DNAH17: variants seen among roughly 807,000 people sequenced by gnomAD.
DNAH17 encodes axonemal beta dynein heavy chain 17.
DNAH17 carries 376 observed loss-of-function variants against 485.6 expected under a neutral mutation model. The observed-to-expected ratio is 0.77, with a 90% CI of 0.71 to 0.84. The LOEUF (loss-of-function observed/expected upper bound fraction) is 0.84, where lower values mean the gene tolerates loss of function less well. Ranked by LOEUF, DNAH17 falls within the 40% of genes least tolerant of loss-of-function variation. DNAH17 has a pLI of 0.00. For synonymous variants in DNAH17, 3,031 were observed against 2,405.9 expected, an observed-to-expected ratio of 1.26 and a Z score of -7.60; for missense variants, 6,370 against 5,839.3, an observed-to-expected ratio of 1.09 and a Z score of -2.96.
At chr17:78,515,345 C>G (rs2090752822) in intron 25 of DNAH17, among the ~76,000 whole-genome samples, 1 of 152,062 alleles carries the variant, frequency 6.6e-6, no homozygotes, top group South Asian at 2.1e-4. Flanking sequence ...CCCGTCTGTA[C>G]TAAAAATACA....
intron 13 of DNAH17, among the ~76,000 whole-genome samples, chr17:78,560,158 CT>C (rs1195653810): frequency 1.7e-5 from 2 of 115,146 alleles, no homozygotes; most frequent in South Asian, 2.7e-4. Flanking sequence ...AGACAGCTCT[CT>C]GACTGTCTGG....
intron 33 of DNAH17, chr17:78,502,317 T>G: frequency 5.6e-6 from 2 of 360,306 alleles, no homozygotes; most frequent in Non-Finnish European, 1.0e-5. Context: ...GGACATTTTT[T>G]TTTTAAAGAC....
intron 21 of DNAH17, 112 bp downstream of exon 21, chr17:78,530,231 C>A: frequency 7.6e-7 from 1 of 1,310,766 alleles, no homozygotes; most frequent in Non-Finnish European, 1.0e-6. Context: ...AGCCTCCACC[C>A]CCTGCTACCC....
At chr17:78,427,220 G>A (rs2086506901) in intron 77 of DNAH17, 112 bp from the exon 78 acceptor site, 2 of 1,098,106 alleles carry the variant, frequency 1.8e-6, no homozygotes, top group Non-Finnish European at 2.6e-6. Context: ...GGAGAGGAGG[G>A]AAGAGGCAAG....
intron 70 of DNAH17, among the ~76,000 whole-genome samples, 175 bp downstream of exon 70, chr17:78,445,383 T>G (rs1033341489): frequency 4.6e-5 from 7 of 152,192 alleles, no homozygotes; most frequent in African/African-American, 1.7e-4. Flanking sequence ...GAGCTATCTG[T>G]GAGCTGGCAG....
intron 2 of DNAH17, 31 bp from the exon 3 acceptor site, chr17:78,572,925 C>T (rs966299730): frequency 2.5e-6 from 4 of 1,595,520 alleles, no homozygotes; most frequent in Admixed American, 1.7e-5. Flanking sequence ...GGTTCCGCCC[C>T]CTGTGCCTTC....
intron 74 of DNAH17, among the ~76,000 whole-genome samples, chr17:78,436,230 C>T (rs1039492625): frequency 5.3e-5 from 8 of 152,108 alleles, no homozygotes; most frequent in African/African-American, 1.7e-4. Context: ...AGTTTAAGGC[C>T]AGCGTGGCCA....
chr17:78,428,353 G>T, intron 77 of DNAH17, 172 bp downstream of exon 77: 1 of 774,130 alleles, frequency 1.3e-6, no homozygotes, highest in Non-Finnish European at 2.2e-6. Flanking sequence ...CTGAGGACCT[G>T]CTGACCAGCC....
In DNAH17 at chr17:78,544,514, G is replaced by A. The variant is rs117455521; in HGVS notation, c.2392-517C>T. Among the ~76,000 whole-genome samples, 31 of 152,246 alleles carry A rather than the reference G, an allele frequency of 2.0e-4. No individual in the cohort carries two copies. In the East Asian group the frequency reaches 5.8e-3, roughly 28 times the overall value. ...TGGGAGTTCTACCACAAGGGTGGTG[G>A]CCACTTGGCCGGGCGCGGTGGCCCA... On this transcript the variant is annotated intron_variant, in intron 16 of 80. Transcript: ENST00000389840.
intron 12 of DNAH17, 78 bp from the exon 13 acceptor site, chr17:78,561,013 C>A: frequency 7.1e-7 from 1 of 1,409,614 alleles, no homozygotes; most frequent in South Asian, 1.3e-5. Context: ...TCGTTGCTGC[C>A]CGATCTGGGG....
chr17:78,545,163 G>A lies in DNAH17; in HGVS notation c.2392-1166C>T, dbSNP rs142168500. 5.6e-3 allele frequency among the ~76,000 whole-genome samples: 850 copies of A among 152,180 alleles called. 9 individuals are homozygous for A. The highest frequency in any genetic ancestry group is 0.018 in the African/African-American group (743 of 41,526). ...CTTAGATCACCCGCCTCCCTCCTCT[G>A]GCCAGTGTTTGATATTTACGTGAGT... On this transcript the variant is annotated intron_variant, in intron 16 of 80. Coordinates refer to ENST00000389840, the MANE Select transcript of DNAH17 (RefSeq NM_173628.4).
rs562453334 is a variant in DNAH17 at position 78,491,106 on chromosome 17, C to G, written c.6670-259G>C. Among the ~76,000 whole-genome samples the G allele has an allele frequency of 1.1e-4, 17 of 152,228 alleles. 1 individual carries two copies. Among genetic ancestry groups the G allele is most frequent in the Non-Finnish European group, 2.2e-4 (15 of 68,036 alleles). On this transcript the variant is annotated intron_variant, in intron 43 of 80. Transcript: ENST00000389840. ...GCTTTCTCAAACCATCACCCCTCCC[C>G]ATCCTGGAAAGTATTGTGTTCCTTC...
At position 78,490,771 on chromosome 17, in the gene DNAH17, C is replaced by G; in HGVS notation, c.6746G>C (p.Arg2249Thr). The change falls in exon 44 of 81, where the codon AGG (arginine) becomes ACG (threonine). Residue 2249 changes from arginine to threonine, a missense_variant. Coordinates refer to ENST00000389840, the MANE Select transcript of DNAH17 (RefSeq NM_173628.4). ...GGAAACGGTGGCTGGGGTGGCCGTC[C>G]TCAGGTGGCTGATTTCGAACACCAG... ...MRLVFEISHLRTATPATVSRA... is the reference protein window; with the variant it reads ...MRLVFEISHLTTATPATVSRA... 2 of 1,605,390 alleles carry G rather than the reference C, an allele frequency of 1.2e-6. No individual in the cohort carries two copies. The highest frequency in any genetic ancestry group is 1.7e-6 in the Non-Finnish European group (2 of 1,176,234).
intron 16 of DNAH17, among the ~76,000 whole-genome samples, chr17:78,548,169 C>T (rs903597618): frequency 1.4e-5 from 2 of 142,444 alleles, no homozygotes; most frequent in African/African-American, 5.3e-5. Flanking sequence ...GTTCTTAGTT[C>T]TCATTCTGTT....
intron 11 of DNAH17, among the ~76,000 whole-genome samples, chr17:78,563,400 G>GGA (rs2092200204): frequency 2.0e-5 from 3 of 147,944 alleles, no homozygotes; most frequent in Admixed American, 2.0e-4. Flanking sequence ...GGGGCAGTTG[G>GGA]AAAAAAAAAA....
chr17:78,473,921 C>G (rs1484088272), intron 54 of DNAH17, among the ~76,000 whole-genome samples: 2 of 152,196 alleles, frequency 1.3e-5, no homozygotes, highest in African/African-American at 4.8e-5. Context: ...GAACCCATGA[C>G]ACACTACCGC....
chr17:78,530,467 T>C lies in DNAH17; in HGVS notation c.3160A>G (p.Asn1054Asp). The C allele has an allele frequency of 6.2e-7, 1 of 1,613,160 alleles. No individual in the cohort carries two copies. The highest frequency in any genetic ancestry group is 8.5e-7 in the Non-Finnish European group (1 of 1,179,414). The change falls in exon 21 of 81, where the codon AAC becomes GAC. Residue 1054 changes from asparagine to aspartate, a missense_variant. Physicochemically the swap from Asn to Asp is conservative, Grantham distance 23. Transcript: ENST00000389840. ...AGCCAGCCGTGGAACACCTTGGTGT[T>C]CTCGCACTTGGACACCTCCTCATAC... ...KLYEEVSKCE[N>D]TKVFHGWLQC...
intron 30 of DNAH17, among the ~76,000 whole-genome samples, chr17:78,505,849 A>G (rs2090468245): frequency 6.6e-6 from 1 of 152,090 alleles, no homozygotes; most frequent in Non-Finnish European, 1.5e-5. Context: ...GTGGTGGTGC[A>G]TGCCTGTAAT....
chr17:78,543,908 CTTG>C lies in DNAH17; in HGVS notation c.2478_2480del (p.Asn826del). On this transcript the variant is annotated inframe_deletion, in exon 17 of 81. Transcript: ENST00000389840. The stretch of plus-strand genomic sequence containing the variant: ...CAGCATCCCTGACTGCTGCGTAGCG[CTTG>C]TTGAGGTTGGCAATTCTTCCATCCA... 6.2e-7 allele frequency: 1 copy of C among 1,614,044 alleles called. No individual in the cohort carries two copies. The highest frequency in any genetic ancestry group is 8.5e-7 in the Non-Finnish European group (1 of 1,179,894).
Sources: allele counts gnomAD v4.1 joint callset (sites outside exome capture counted in the v4.1 genomes callset), GRCh38; gene constraint gnomAD v4.1.1; transcripts MANE v1.5; gene names NCBI Gene and HGNC (gene_info 2026-07-23, HGNC 2026-07-21).